The following NYAP2 variants were observed in gnomAD, a reference collection of about 807,000 sequenced individuals.
The protein encoded by NYAP2 is neuronal tyrosine-phosphorylated phosphoinositide-3-kinase adapter 2.
NYAP2 carries 23 observed loss-of-function variants against 50.4 expected under a neutral mutation model. The ratio of observed to expected loss-of-function variants is 0.46; its 90% confidence interval spans 0.33 to 0.65. NYAP2 has a LOEUF of 0.65. NYAP2 is among the 30% of genes least tolerant of loss of function. The pLI is 0.02. For synonymous variants in NYAP2, 394 were observed against 365.2 expected, an observed-to-expected ratio of 1.08 and a Z score of -0.90; for missense variants, 885 against 861.0, an observed-to-expected ratio of 1.03 and a Z score of -0.35.
intron 3 of NYAP2, among the ~76,000 whole-genome samples, chr2:225,419,631 A>T (rs1431967712): frequency 1.3e-5 from 2 of 152,238 alleles, no homozygotes; most frequent in Non-Finnish European, 2.9e-5. Context: ...GAAAGAAAAG[A>T]TACAACACAT....
chr2:225,547,369 C>T (rs765455800), intron 4 of NYAP2, among the ~76,000 whole-genome samples: 1 of 152,180 alleles, frequency 6.6e-6, no homozygotes, highest in Non-Finnish European at 1.5e-5. Flanking sequence ...GCTTTGAGCC[C>T]AGGACAGCAC....
At chr2:225,540,337 AT>A (rs1401586793) in intron 4 of NYAP2, among the ~76,000 whole-genome samples, 1 of 152,182 alleles carries the variant, frequency 6.6e-6, no homozygotes, top group African/African-American at 2.4e-5. Flanking sequence ...AGACTGGGCA[AT>A]TTATAAAAGA....
chr2:225,658,412 G>T (rs937544152), downstream of NYAP2, among the ~76,000 whole-genome samples: 1 of 152,064 alleles, frequency 6.6e-6, no homozygotes, highest in African/African-American at 2.4e-5. Flanking sequence ...TGTTAACAAA[G>T]ATTATGTTAA....
downstream of NYAP2, among the ~76,000 whole-genome samples, chr2:225,655,915 CACACACACACACAT>C (rs1378269413): frequency 2.4e-3 from 349 of 147,736 alleles, 2 homozygotes; most frequent in Admixed American, 3.7e-3. Context: ...CACACACACA[CACACACACACACAT>C]ACACACATAC....
chr2:225,466,665 C>G (rs1458841719), intron 3 of NYAP2, among the ~76,000 whole-genome samples: 2 of 152,188 alleles, frequency 1.3e-5, no homozygotes, highest in African/African-American at 4.8e-5. Flanking sequence ...AAGTCAAGAG[C>G]CACTTGCATC....
At chr2:225,426,189 A>G (rs975596448) in intron 3 of NYAP2, among the ~76,000 whole-genome samples, 2 of 151,732 alleles carry the variant, frequency 1.3e-5, no homozygotes, top group East Asian at 3.9e-4. Flanking sequence ...AATCTATAAT[A>G]TAATGTAGCA....
At chr2:225,518,581 C>T (rs1289710220) in intron 4 of NYAP2, among the ~76,000 whole-genome samples, 1 of 10,054 alleles carries the variant, frequency 9.9e-5, no homozygotes, top group Non-Finnish European at 2.0e-4. Flanking sequence ...AGCGTGTGCG[C>T]TTATATATAT....
chr2:225,492,845 C>A (rs1376469602), intron 3 of NYAP2, among the ~76,000 whole-genome samples: 11 of 152,114 alleles, frequency 7.2e-5, no homozygotes, highest in Non-Finnish European at 8.8e-5. Flanking sequence ...GGATCTGCCT[C>A]TGTGATCCAA....
intron 5 of NYAP2, among the ~76,000 whole-genome samples, chr2:225,622,228 CA>C (rs1693116570): frequency 6.6e-6 from 1 of 152,048 alleles, no homozygotes; most frequent in East Asian, 1.9e-4. Context: ...GACAGTGTCT[CA>C]CTATGTTGCC....
the NYAP2 span, among the ~76,000 whole-genome samples, chr2:225,695,240 G>A: frequency 6.6e-6 from 1 of 151,502 alleles, no homozygotes; most frequent in African/African-American, 2.4e-5. Context: ...TGTTGTCAAG[G>A]GAATCCAGAA....
the NYAP2 span, among the ~76,000 whole-genome samples, chr2:225,673,518 T>C: frequency 6.6e-6 from 1 of 152,068 alleles, no homozygotes; most frequent in Non-Finnish European, 1.5e-5. Flanking sequence ...TAAAACGAGG[T>C]AAGCTTATGT....
intron 5 of NYAP2, among the ~76,000 whole-genome samples, chr2:225,620,264 T>G (rs1261334795): frequency 1.3e-5 from 2 of 152,252 alleles, no homozygotes; most frequent in African/African-American, 2.4e-5. Context: ...AGAGTCTAAT[T>G]GTCCACTTTC....
intron 4 of NYAP2, among the ~76,000 whole-genome samples, chr2:225,528,426 A>G (rs143081797): frequency 2.3e-3 from 356 of 152,250 alleles, no homozygotes; most frequent in Non-Finnish European, 4.2e-3. Context: ...TGCTTGGATT[A>G]TTTTATTGGT....
At chr2:225,432,665 G>A (rs1689288436) in intron 3 of NYAP2, among the ~76,000 whole-genome samples, 1 of 151,972 alleles carries the variant, frequency 6.6e-6, no homozygotes, top group Non-Finnish European at 1.5e-5. Flanking sequence ...TTCAACTGTT[G>A]TAACAAAGGA....
chr2:225,600,596 G>T (rs942396517), intron 5 of NYAP2, among the ~76,000 whole-genome samples: 7 of 152,174 alleles, frequency 4.6e-5, no homozygotes, highest in African/African-American at 1.2e-4. Flanking sequence ...AGATGTAGTT[G>T]GTTAGGTCAG....
chr2:225,589,403 C>G (rs1342388746), intron 5 of NYAP2, among the ~76,000 whole-genome samples: 9 of 150,338 alleles, frequency 6.0e-5, no homozygotes, highest in African/African-American at 2.0e-4. Context: ...GATGTGGTGG[C>G]TCACTCCTGT....
intron 4 of NYAP2, among the ~76,000 whole-genome samples, chr2:225,538,715 T>C (rs1691394700): frequency 6.6e-6 from 1 of 152,248 alleles, no homozygotes; most frequent in African/African-American, 2.4e-5. Context: ...TTATGCAAAC[T>C]ACTTCAGCTG....
chr2:225,557,005 T>C (rs1276081176), intron 4 of NYAP2, among the ~76,000 whole-genome samples: 1 of 152,188 alleles, frequency 6.6e-6, no homozygotes, highest in African/African-American at 2.4e-5. Context: ...CAACAGCACT[T>C]GGGCCACACT....
intron 6 of NYAP2, among the ~76,000 whole-genome samples, chr2:225,646,901 G>C (rs573434455): frequency 1.3e-5 from 2 of 152,202 alleles, no homozygotes; most frequent in South Asian, 4.1e-4. Context: ...TCCAGGTCAC[G>C]GTGACATTTG....
Sources: gnomAD v4.1 joint callset for allele counts (sites outside exome capture counted in the v4.1 genomes callset) on GRCh38, gnomAD v4.1.1 for gene constraint, MANE v1.5 for transcripts, NCBI Gene and HGNC (gene_info 2026-07-23, HGNC 2026-07-21) for gene names.